Variants in TSC22D1 observed in about 807,000 individuals in gnomAD.
The protein encoded by TSC22D1 is TSC22 domain family protein 1.
In TSC22D1, 9 loss-of-function variants were observed where a neutral mutation model predicts 74.2. The observed-to-expected ratio is 0.12, with a 90% CI of 0.07 to 0.21. TSC22D1 has a LOEUF of 0.21. Ranked by LOEUF, TSC22D1 falls within the 10% of genes least tolerant of loss-of-function variation. The probability of loss-of-function intolerance (pLI) is 1.00; values close to 1 mark genes in which losing one functional copy is unlikely to be tolerated. For missense variants in TSC22D1, 1,427 were observed against 1,304.7 expected (o/e 1.09, Z -1.44); for synonymous variants, 586 against 492.5 (o/e 1.19, Z -2.51).
At chr13:44,486,399 A>G (rs1423030808) in intron 1 of TSC22D1, among the ~76,000 whole-genome samples, 1 of 152,182 alleles carries the variant, frequency 6.6e-6, no homozygotes, top group African/African-American at 2.4e-5. Flanking sequence ...ATTAGGGTTA[A>G]AGAGAATCGT....
At chr13:44,524,042 G>C (rs566158543) in intron 1 of TSC22D1, among the ~76,000 whole-genome samples, 2 of 152,238 alleles carry the variant, frequency 1.3e-5, no homozygotes, top group South Asian at 4.1e-4. Flanking sequence ...AATATTTCCA[G>C]TGCATGAAAT....
chr13:44,526,191 T>C (rs1029678335), intron 1 of TSC22D1, among the ~76,000 whole-genome samples: 1 of 152,100 alleles, frequency 6.6e-6, no homozygotes, highest in Non-Finnish European at 1.5e-5. Context: ...AAAGCAAGTG[T>C]CAGAATCAGA....
chr13:44,450,970 C>T (rs1419523822), intron 1 of TSC22D1, among the ~76,000 whole-genome samples: 1 of 152,144 alleles, frequency 6.6e-6, no homozygotes, highest in Non-Finnish European at 1.5e-5. Flanking sequence ...GTGGACACTA[C>T]AGAAGGTGGC....
intron 1 of TSC22D1, among the ~76,000 whole-genome samples, chr13:44,465,181 A>C (rs1321312313): frequency 6.6e-6 from 1 of 152,220 alleles, no homozygotes; most frequent in Non-Finnish European, 1.5e-5. Context: ...GACAGTATGT[A>C]ACACAGGACC....
intron 1 of TSC22D1, among the ~76,000 whole-genome samples, chr13:44,563,925 T>C (rs1320551451): frequency 1.3e-5 from 2 of 152,244 alleles, no homozygotes; most frequent in Non-Finnish European, 2.9e-5. Flanking sequence ...TTAGCCCTTA[T>C]ATTGCCAAAT....
chr13:44,545,681 A>G (rs1376976401), intron 1 of TSC22D1, among the ~76,000 whole-genome samples: 1 of 152,104 alleles, frequency 6.6e-6, no homozygotes, highest in Admixed American at 6.6e-5. Context: ...AAACTCAGAA[A>G]ACATGAAAGA....
intron 1 of TSC22D1, among the ~76,000 whole-genome samples, chr13:44,568,752 C>T (rs1024374988): frequency 7.2e-5 from 11 of 152,062 alleles, no homozygotes; most frequent in African/African-American, 2.7e-4. Flanking sequence ...GAGCCCAAAA[C>T]ATACAAAAAT....
intron 1 of TSC22D1, among the ~76,000 whole-genome samples, chr13:44,510,051 G>A (rs1595126565): frequency 6.6e-6 from 1 of 151,022 alleles, no homozygotes; most frequent in South Asian, 2.1e-4. Flanking sequence ...AAGGCCCTTT[G>A]GAAAAGGAAC....
chr13:44,548,264 C>A (rs1316090858), intron 1 of TSC22D1, among the ~76,000 whole-genome samples: 1 of 152,180 alleles, frequency 6.6e-6, no homozygotes, highest in African/African-American at 2.4e-5. Context: ...TGCCTGTAAT[C>A]CCAGCACTTT....
intron 1 of TSC22D1, among the ~76,000 whole-genome samples, chr13:44,484,469 CTG>C (rs1566134446): frequency 6.6e-6 from 1 of 152,154 alleles, no homozygotes; most frequent in Non-Finnish European, 1.5e-5. Context: ...AATAATGTCT[CTG>C]AATGTGAGCA....
intron 1 of TSC22D1, among the ~76,000 whole-genome samples, chr13:44,444,278 C>CAAAAAAAAAAAAAAAAAAA (rs71070905): frequency 2.8e-4 from 5 of 17,584 alleles, no homozygotes; most frequent in African/African-American, 4.8e-4. Flanking sequence ...GACTCTGTCT[C>CAAAAAAAAAAAAAAAAAAA]AAAAAAAAAA....
At chr13:44,508,316 C>T (rs766165048) in intron 1 of TSC22D1, among the ~76,000 whole-genome samples, 9 of 152,128 alleles carry the variant, frequency 5.9e-5, no homozygotes, top group Admixed American at 2.0e-4. Context: ...CTATATTTAG[C>T]CAGGGGTTGG....
intron 1 of TSC22D1, among the ~76,000 whole-genome samples, chr13:44,458,108 T>C (rs1226154132): frequency 6.6e-6 from 1 of 152,248 alleles, no homozygotes. Flanking sequence ...CACTATATTC[T>C]ATCAAATCTG....
chr13:44,461,619 G>C (rs926772128), intron 1 of TSC22D1, among the ~76,000 whole-genome samples: 1 of 152,268 alleles, frequency 6.6e-6, no homozygotes, highest in African/African-American at 2.4e-5. Context: ...CAAAACAGAG[G>C]CAGTAAGTCA....
intron 1 of TSC22D1, among the ~76,000 whole-genome samples, chr13:44,565,655 A>G (rs2138216254): frequency 6.6e-6 from 1 of 152,278 alleles, no homozygotes; most frequent in Admixed American, 6.5e-5. Flanking sequence ...ACCAACCACC[A>G]AAGTTCTAAT....
At chr13:44,536,926 GAAAAAAAAAAAAAAAAAA>G (rs10596156) in intron 1 of TSC22D1, 7 of 495,238 alleles carry the variant, frequency 1.4e-5, no homozygotes, top group African/African-American at 4.7e-5. Flanking sequence ...GTATTTTTCT[GAAAAAAAAAAAAAAAAAA>G]AAAAAAAAAA....
At chr13:44,526,398 T>C (rs1448850633) in intron 1 of TSC22D1, among the ~76,000 whole-genome samples, 2 of 151,506 alleles carry the variant, frequency 1.3e-5, no homozygotes, top group African/African-American at 2.4e-5. Flanking sequence ...AGAATGCATA[T>C]TACCAGATCA....
chr13:44,526,758 CA>C (rs1880566839), intron 1 of TSC22D1, among the ~76,000 whole-genome samples: 1 of 152,110 alleles, frequency 6.6e-6, no homozygotes, highest in Non-Finnish European at 1.5e-5. Flanking sequence ...GCTGAAAAAT[CA>C]TTAAAATAGT....
intron 1 of TSC22D1, chr13:44,536,871 T>G: frequency 1.0e-6 from 1 of 974,134 alleles, no homozygotes; most frequent in Non-Finnish European, 1.2e-6. Context: ...ATTTCATACA[T>G]TCACTGGTGA....
Sources: allele counts gnomAD v4.1 joint callset (sites outside exome capture counted in the v4.1 genomes callset), GRCh38; gene constraint gnomAD v4.1.1; transcripts MANE v1.5; gene names NCBI Gene and HGNC (gene_info 2026-07-23, HGNC 2026-07-21).